CSMD3: variants seen among roughly 807,000 people sequenced by gnomAD.
CSMD3 encodes CUB and Sushi multiple domains 3.
A neutral mutation model predicts 435.2 loss-of-function variants in CSMD3; 177 were observed. The ratio of observed to expected loss-of-function variants is 0.41; its 90% CI spans 0.36 to 0.46. The LOEUF is 0.46. CSMD3 is among the 20% of genes least tolerant of loss of function. The pLI, the probability that CSMD3 is intolerant of heterozygous loss-of-function variation, is 0.34. For synonymous variants in CSMD3, 1,656 were observed against 1,520.5 expected (o/e 1.09, Z -2.07); for missense variants, 4,265 against 4,504.6 (o/e 0.95, Z 1.52).
chr8:112,915,485 C>T (rs2082546428), intron 10 of CSMD3, among the ~76,000 whole-genome samples: 1 of 151,666 alleles, frequency 6.6e-6, no homozygotes. Context: ...ATTTATTTCC[C>T]ATTTGAAAAC....
At chr8:112,334,344 G>T (rs1824367345) in intron 45 of CSMD3, among the ~76,000 whole-genome samples, 1 of 152,110 alleles carries the variant, frequency 6.6e-6, no homozygotes, top group Non-Finnish European at 1.5e-5. Flanking sequence ...AATCACAGTT[G>T]ATTTACTATA....
At chr8:112,871,648 GA>G (rs545618307) in intron 10 of CSMD3, among the ~76,000 whole-genome samples, 1 of 151,832 alleles carries the variant, frequency 6.6e-6, no homozygotes, top group East Asian at 1.9e-4. Context: ...CACACACACA[GA>G]AAAAAAACTC....
rs201769856 is a variant in CSMD3 at position 112,897,700 on chromosome 8, G to C, written c.1633+23927C>G. ...TCTCTCTCTCTCTCTCTCTCTGTGT[G>C]TGTGTGTGTGTGTGTGTGTGTGTGT... On this transcript the variant is annotated intron_variant, in intron 10 of 70. Transcript: ENST00000297405. Among the ~76,000 whole-genome samples, 459 of 49,236 alleles carry C rather than the reference G, an allele frequency of 9.3e-3. 3 individuals are homozygous for C. The highest frequency in any genetic ancestry group is 0.077 in the Middle Eastern group (4 of 52). The allele number at this position is 49,236 out of a possible 152,430, so 32.3% of individuals were successfully genotyped here.
chr8:112,896,986 T>C (rs999204445), intron 10 of CSMD3, among the ~76,000 whole-genome samples: 1 of 151,438 alleles, frequency 6.6e-6, no homozygotes, highest in African/African-American at 2.4e-5. Context: ...TCTTCACCCC[T>C]GTTCCTCCAG....
chr8:112,359,782 A>G (rs556042102), intron 38 of CSMD3, among the ~76,000 whole-genome samples: 23 of 152,192 alleles, frequency 1.5e-4, no homozygotes, highest in South Asian at 1.2e-3. Flanking sequence ...TGCAATCCCA[A>G]TGCCCAGTGC....
At chr8:112,923,705 A>G (rs561662144) in intron 9 of CSMD3, among the ~76,000 whole-genome samples, 3 of 152,286 alleles carry the variant, frequency 2.0e-5, no homozygotes, top group Admixed American at 1.3e-4. Flanking sequence ...TGCTTCCACT[A>G]AGAAAACCTC....
chr8:113,156,756 A>ATAAT (rs1290948767), intron 4 of CSMD3, among the ~76,000 whole-genome samples: 19 of 149,690 alleles, frequency 1.3e-4, no homozygotes, highest in East Asian at 9.9e-4. Context: ...AAATAAATAA[A>ATAAT]TAAATAAATA....
In CSMD3 at chr8:113,067,677, A is replaced by T. The variant is rs146107249; in HGVS notation, c.917+31079T>A. 3.3e-5 allele frequency among the ~76,000 whole-genome samples: 5 copies of T among 152,260 alleles called. No individual in the cohort carries two copies. In the East Asian group the frequency reaches 9.7e-4, roughly 29 times the overall value. On this transcript the variant is annotated intron_variant, in intron 5 of 70. Transcript: ENST00000297405. ...ATAAGTTGACGGAAAATTTTACAGCAGAAAGTAACACTCAAAAATAGTGAC... is the reference window on the plus strand; with the variant it reads ...ATAAGTTGACGGAAAATTTTACAGCTGAAAGTAACACTCAAAAATAGTGAC...
chr8:113,151,721 T>C (rs2091810500), intron 4 of CSMD3, among the ~76,000 whole-genome samples: 1 of 151,992 alleles, frequency 6.6e-6, no homozygotes, highest in Admixed American at 6.6e-5. Flanking sequence ...TACAGACACT[T>C]TGATGTAGTG....
At chr8:113,212,906 T>TA (rs1165623156) in intron 3 of CSMD3, among the ~76,000 whole-genome samples, 47 of 125,916 alleles carry the variant, frequency 3.7e-4, no homozygotes, top group African/African-American at 9.9e-4. Flanking sequence ...TATATATATA[T>TA]TAAAAAAAAA....
chr8:112,473,417 G>A (rs112916849), intron 31 of CSMD3, among the ~76,000 whole-genome samples: 1,780 of 152,160 alleles, frequency 0.012, 30 homozygotes, highest in African/African-American at 0.041. Context: ...GAAAGCATAC[G>A]GATGGTAACT....
At chr8:112,698,284 C>T (rs893308078) in intron 13 of CSMD3, among the ~76,000 whole-genome samples, 3 of 151,982 alleles carry the variant, frequency 2.0e-5, no homozygotes, top group Non-Finnish European at 2.9e-5. Context: ...GTTAAAAAAT[C>T]GTGTGAACTC....
chr8:113,152,920 G>A (rs1372443158), intron 4 of CSMD3, among the ~76,000 whole-genome samples: 2 of 151,380 alleles, frequency 1.3e-5, no homozygotes, highest in East Asian at 1.9e-4. Context: ...GCAGTGAGCC[G>A]TGATTGCACC....
intron 1 of CSMD3, among the ~76,000 whole-genome samples, chr8:113,418,400 C>T (rs529656114): frequency 6.6e-6 from 1 of 152,162 alleles, no homozygotes; most frequent in South Asian, 2.1e-4. Context: ...TCTAATAAGA[C>T]TGAGCCGTGA....
At chr8:112,375,171 C>G (rs1416736928) in intron 38 of CSMD3, among the ~76,000 whole-genome samples, 2 of 152,060 alleles carry the variant, frequency 1.3e-5, no homozygotes, top group Non-Finnish European at 2.9e-5. Context: ...TCTTTGATTG[C>G]TTGTTTTATA....
chr8:113,416,890 C>A (rs1312058886), intron 1 of CSMD3, among the ~76,000 whole-genome samples: 3 of 152,050 alleles, frequency 2.0e-5, no homozygotes, highest in African/African-American at 7.2e-5. Flanking sequence ...CCGTCATAAA[C>A]TGACATAGAT....
chr8:113,168,540 A>AC lies in CSMD3; in HGVS notation c.709+5181_709+5182insG, dbSNP rs2092204822. Among the ~76,000 whole-genome samples, 3 of 149,802 alleles carry AC rather than the reference A, an allele frequency of 2.0e-5. No homozygotes were observed. The South Asian group carries it at 6.2e-4, about 31-fold the overall frequency. On this transcript the variant is annotated intron_variant, in intron 4 of 70. Transcript: ENST00000297405. ...GTCTCAAAAAAAAAAAAAAAAAAAAAAAAAAAACTACAGATTTTAGCTACA... is the reference window on the plus strand; with the variant it reads ...GTCTCAAAAAAAAAAAAAAAAAAAAACAAAAAAACTACAGATTTTAGCTACA...
At chr8:113,108,426 C>CA (rs35981917) in intron 4 of CSMD3, among the ~76,000 whole-genome samples, 64,955 of 129,548 alleles carry the variant, frequency 0.5, 17,048 homozygotes, top group East Asian at 0.87. Context: ...GACGCCATCT[C>CA]AAAAAAAAAA....
intron 1 of CSMD3, among the ~76,000 whole-genome samples, chr8:113,339,149 A>G (rs1343636634): frequency 5.3e-5 from 8 of 151,882 alleles, no homozygotes; most frequent in Admixed American, 5.3e-4. Flanking sequence ...GCATGTTAAC[A>G]ACTTTCTTTC....
Sources: gnomAD v4.1 joint callset for allele counts (sites outside exome capture counted in the v4.1 genomes callset) on GRCh38, gnomAD v4.1.1 for gene constraint, MANE v1.5 for transcripts, NCBI Gene and HGNC (gene_info 2026-07-23, HGNC 2026-07-21) for gene names.